The following MPDZ variants were observed in gnomAD, a reference collection of about 807,000 sequenced individuals.
MPDZ encodes multiple PDZ domain protein.
A neutral mutation model predicts 239.1 loss-of-function variants in MPDZ; 234 were observed. That is an observed-to-expected ratio of 0.98 (90% CI 0.88 to 1.09). The LOEUF is 1.09. MPDZ is among the 50% of genes least tolerant of loss of function. MPDZ has a pLI of 0.00. For synonymous variants in MPDZ, 1,048 were observed against 881.3 expected (o/e 1.19, Z -3.35); for missense variants, 3,175 against 2,510.0 (o/e 1.26, Z -5.66).
At chr9:13,228,672 C>T (rs375559042) in intron 3 of MPDZ, among the ~76,000 whole-genome samples, 1 of 151,972 alleles carries the variant, frequency 6.6e-6, no homozygotes, top group Non-Finnish European at 1.5e-5. Flanking sequence ...GGATCCTCAG[C>T]CTGTAACAAA....
intron 7 of MPDZ, among the ~76,000 whole-genome samples, chr9:13,220,496 A>T (rs1564064388): frequency 6.6e-6 from 1 of 152,042 alleles, no homozygotes; most frequent in East Asian, 1.9e-4. Flanking sequence ...ACAATATTGA[A>T]GAGTGCAGCT....
intron 16 of MPDZ, 119 bp downstream of exon 16, chr9:13,189,995 T>C: frequency 1.2e-6 from 1 of 857,154 alleles, no homozygotes; most frequent in Non-Finnish European, 1.7e-6. Context: ...AAATCACTAT[T>C]TTGAAAGACT....
intron 12 of MPDZ, among the ~76,000 whole-genome samples, 183 bp downstream of exon 12, chr9:13,204,853 T>C (rs775409997): frequency 2.0e-5 from 3 of 152,166 alleles, no homozygotes; most frequent in Non-Finnish European, 4.4e-5. Context: ...TAGCTATAAA[T>C]GGAATGTTTT....
chr9:13,113,917 T>G lies in MPDZ; in HGVS notation c.5557+14A>C. 1 of 1,566,042 alleles carries G rather than the reference T, an allele frequency of 6.4e-7. No homozygotes were observed. ...CAAATTCAAACCATGTTTAAAATAC[T>G]GAACCAATCTTACATGCATTCTTCT... On this transcript the variant is annotated intron_variant, in intron 41 of 46. Transcript: ENST00000319217.
rs780192535 is a variant in MPDZ, at chr9:13,133,815, C to T, written c.4464+9G>A. On this transcript the variant is annotated intron_variant, in intron 32 of 46. Coordinates refer to ENST00000319217, the MANE Select transcript of MPDZ (RefSeq NM_001378778.1). ...CACATCATTTCATTCCAATTCAAAG[C>T]AGATTTACCTTGGGAAGCTCCAGAT... 3 of 1,571,230 alleles carry T rather than the reference C, an allele frequency of 1.9e-6. No individual in the cohort carries two copies. The South Asian group carries it at 3.4e-5, about 18-fold the overall frequency.
chr9:13,123,082 T>C (rs1944599682), intron 36 of MPDZ, 71 bp downstream of exon 36: 1 of 1,441,932 alleles, frequency 6.9e-7, no homozygotes, highest in Non-Finnish European at 9.2e-7. Context: ...CTGATAGAAA[T>C]CTCCCCATAA....
chr9:13,163,580 T>G (rs923409517), intron 22 of MPDZ, among the ~76,000 whole-genome samples: 1 of 152,178 alleles, frequency 6.6e-6, no homozygotes, highest in Non-Finnish European at 1.5e-5. Context: ...GTCCTGCTTC[T>G]GACATGGTGG....
intron 3 of MPDZ, among the ~76,000 whole-genome samples, chr9:13,238,532 ATTAAAC>A (rs1964639263): frequency 6.6e-6 from 1 of 152,066 alleles, no homozygotes. Context: ...TCTTCTGCCT[ATTAAAC>A]TTTTCATTCC....
intron 1 of MPDZ, among the ~76,000 whole-genome samples, chr9:13,260,736 G>A (rs901447231): frequency 3.9e-5 from 6 of 152,154 alleles, no homozygotes; most frequent in Non-Finnish European, 8.8e-5. Context: ...GGCCACATGA[G>A]CACACAAGAA....
chr9:13,202,279 A>G (rs1956475356), intron 12 of MPDZ, among the ~76,000 whole-genome samples: 1 of 152,166 alleles, frequency 6.6e-6, no homozygotes, highest in African/African-American at 2.4e-5. Context: ...AAAATTAAAC[A>G]CTGCCCTAGA....
rs142179594 is a variant in MPDZ at position 13,227,432 on chromosome 9, C to T, written c.184-2849G>A. 1.5e-3 allele frequency among the ~76,000 whole-genome samples: 225 copies of T among 151,944 alleles called. 1 individual carries two copies. Among genetic ancestry groups the T allele is most frequent in the Middle Eastern group, 6.8e-3 (2 of 294 alleles). ...CAATAAAGTTTGCCAGCAGAAGACA[C>T]GCAGCTCAGGTTGAAGCAGATGGCA... On this transcript the variant is annotated intron_variant, in intron 3 of 46. Transcript: ENST00000319217.
chr9:13,114,541 A>G (rs1943052817), intron 40 of MPDZ, among the ~76,000 whole-genome samples: 1 of 152,192 alleles, frequency 6.6e-6, no homozygotes, highest in African/African-American at 2.4e-5. Context: ...CTGAGTATCT[A>G]TAGTTCACTT....
chr9:13,124,875 T>C (rs986940934), intron 35 of MPDZ, among the ~76,000 whole-genome samples: 3 of 152,164 alleles, frequency 2.0e-5, no homozygotes, highest in African/African-American at 2.4e-5. Context: ...TTCTAATTCA[T>C]TAGTTAGAGG....
At chr9:13,184,807 GT>G (rs1309064770) in intron 18 of MPDZ, among the ~76,000 whole-genome samples, 2 of 151,962 alleles carry the variant, frequency 1.3e-5, no homozygotes, top group African/African-American at 4.8e-5. Flanking sequence ...TTTATTTACT[GT>G]AGAGATAAAA....
intron 1 of MPDZ, among the ~76,000 whole-genome samples, chr9:13,262,642 C>A: frequency 6.6e-6 from 1 of 150,590 alleles, no homozygotes; most frequent in African/African-American, 2.4e-5. Context: ...AATACTCTAG[C>A]AATCTAAAAG....
At chr9:13,260,208 A>G (rs2138659148) in intron 1 of MPDZ, among the ~76,000 whole-genome samples, 1 of 152,266 alleles carries the variant, frequency 6.6e-6, no homozygotes, top group Non-Finnish European at 1.5e-5. Context: ...TCACTCTGGC[A>G]ATGGTATGGA....
chr9:13,127,901 C>T (rs553644012), intron 32 of MPDZ, among the ~76,000 whole-genome samples: 13 of 152,270 alleles, frequency 8.5e-5, no homozygotes, highest in Admixed American at 2.6e-4. Context: ...TTCTTACCTA[C>T]GAAATCTAGA....
intron 21 of MPDZ, among the ~76,000 whole-genome samples, chr9:13,172,232 G>A (rs779363739): frequency 5.3e-5 from 8 of 151,952 alleles, no homozygotes; most frequent in East Asian, 3.9e-4. Flanking sequence ...AAAACGCCAG[G>A]GAGAAAGCCC....
At chr9:13,247,307 A>T (rs542807710) in intron 3 of MPDZ, among the ~76,000 whole-genome samples, 62 of 152,210 alleles carry the variant, frequency 4.1e-4, no homozygotes, top group Non-Finnish European at 7.6e-4. Flanking sequence ...CACATGAACA[A>T]TGAGCCTCAG....
Sources: allele counts gnomAD v4.1 joint callset (sites outside exome capture counted in the v4.1 genomes callset), GRCh38; gene constraint gnomAD v4.1.1; transcripts MANE v1.5; gene names NCBI Gene and HGNC (gene_info 2026-07-23, HGNC 2026-07-21).